The following ICE1 variants were observed in gnomAD, a reference collection of about 807,000 sequenced individuals.
ICE1 encodes the protein little elongation complex subunit 1.
Under a neutral mutation model 192.7 loss-of-function variants are expected in ICE1, and 64 were observed. The ratio of observed to expected loss-of-function variants is 0.33; its 90% CI spans 0.27 to 0.41. The LOEUF is 0.41. Among genes scored for constraint, ICE1 ranks in the 10% least tolerant of loss-of-function variants. The pLI is 1.00. For missense variants in ICE1, 2,708 were observed against 2,696.0 expected, an observed-to-expected ratio of 1.00 and a Z score of -0.10; for synonymous variants, 1,010 against 984.5, an observed-to-expected ratio of 1.03 and a Z score of -0.49.
At chr5:5,440,685 G>T (rs1738018297) in intron 4 of ICE1, among the ~76,000 whole-genome samples, 1 of 151,892 alleles carries the variant, frequency 6.6e-6, no homozygotes, top group African/African-American at 2.4e-5. Flanking sequence ...AGCCAGCTGT[G>T]GTGGCACTCA....
Position 5,461,247 on chromosome 5 carries a change from C to T in ICE1, c.1913C>T (p.Ala638Val). 6.2e-7 allele frequency: 1 copy of T among 1,613,958 alleles called. No homozygotes were observed. The highest frequency in any genetic ancestry group is 8.5e-7 in the Non-Finnish European group (1 of 1,179,864). ...TSFSSSSTLV[A>V]LSVGSNPQSS... ...TTTTCTTCCTCTTCTACCTTGGTAGCATTGTCTGTTGGCAGTAATCCCCAG... is the reference window on the plus strand; with the variant it reads ...TTTTCTTCCTCTTCTACCTTGGTAGTATTGTCTGTTGGCAGTAATCCCCAG... The change falls in exon 13 of 19, where the codon GCA (alanine) becomes GTA (valine). Residue 638 changes from alanine to valine, a missense_variant. This residue lies in a region of ICE1 where 2,366 missense variants were observed against 2,276.6 expected (regional missense o/e 1.04). Coordinates refer to ENST00000296564, the MANE Select transcript of ICE1 (RefSeq NM_015325.3).
In ICE1 at chr5:5,462,077, A is replaced by G; in HGVS notation, c.2743A>G (p.Ile915Val). 6.2e-7 allele frequency: 1 copy of G among 1,613,928 alleles called. No homozygotes were observed. Among genetic ancestry groups the G allele is most frequent in the South Asian group, 1.1e-5 (1 of 91,088 alleles). The change falls in exon 13 of 19, where the codon ATC (isoleucine) becomes GTC (valine). Residue 915 changes from isoleucine (I) to valine (V), a missense_variant. Coordinates refer to ENST00000296564, the MANE Select transcript of ICE1 (RefSeq NM_015325.3). ...GGAAAGAGATGATACAACACAAAAC[A>G]TCACGGAGGTGGCTGCTGTGAAAAG... The part of the protein sequence containing the change: ...DGERDDTTQN[I>V]TEVAAVKSIS...
chr5:5,432,118 C>T (rs1737727669), intron 1 of ICE1, among the ~76,000 whole-genome samples: 1 of 152,122 alleles, frequency 6.6e-6, no homozygotes. Flanking sequence ...GTGCAGACAT[C>T]ACCACTACAT....
chr5:5,457,511 A>G lies in ICE1; in HGVS notation c.871A>G (p.Asn291Asp). ...GGAAAAACAGAGCTCCAGTGGAACA[A>G]ATTGTAGTTCTGACCATGTTTTTAA... The part of the protein sequence containing the change: ...NVEKQSSSGT[N>D]CSSDHVFNEN... The change falls in exon 12 of 19, where the codon AAT (asparagine) becomes GAT (aspartate). Residue 291 changes from asparagine (N) to aspartate (D), a missense_variant. By Grantham distance (23) the Asn-to-Asp change is conservative. Transcript: ENST00000296564. 6.2e-7 allele frequency: 1 copy of G among 1,614,014 alleles called. No homozygotes were observed. Among genetic ancestry groups the G allele is most frequent in the Non-Finnish European group, 8.5e-7 (1 of 1,179,888 alleles).
chr5:5,452,621 C>G (rs1034941794), intron 10 of ICE1, among the ~76,000 whole-genome samples: 5 of 151,956 alleles, frequency 3.3e-5, no homozygotes, highest in Admixed American at 1.3e-4. Context: ...CAGAAATATT[C>G]AAAGTCCCAT....
At chr5:5,446,556 G>A (rs1380703431) in intron 7 of ICE1, among the ~76,000 whole-genome samples, 3 of 152,246 alleles carry the variant, frequency 2.0e-5, no homozygotes, top group Admixed American at 1.3e-4. Flanking sequence ...AAAGTGCTGG[G>A]ATCACAGTCG....
At chr5:5,476,150 G>T in intron 17 of ICE1, 71 bp downstream of exon 17, 3 of 787,750 alleles carry the variant, frequency 3.8e-6, no homozygotes, top group South Asian at 2.0e-5. Flanking sequence ...GGGGTTAACT[G>T]TATAATAAAA....
chr5:5,427,552 AG>A (rs756058015), intron 1 of ICE1, among the ~76,000 whole-genome samples: 1 of 152,140 alleles, frequency 6.6e-6, no homozygotes, highest in Non-Finnish European at 1.5e-5. Context: ...AGATTCAGTG[AG>A]TTTGATGTAT....
At chr5:5,441,897 T>A (rs573212531) in intron 5 of ICE1, among the ~76,000 whole-genome samples, 21 of 152,324 alleles carry the variant, frequency 1.4e-4, no homozygotes, top group African/African-American at 4.8e-4. Context: ...TACACAAAAA[T>A]GAGTCTTTCA....
chr5:5,465,217 A>G lies in ICE1; in HGVS notation c.5883A>G (p.Thr1961=). 1 of 1,568,594 alleles carries G rather than the reference A, an allele frequency of 6.4e-7. No individual in the cohort carries two copies. The highest frequency in any genetic ancestry group is 2.3e-5 in the East Asian group (1 of 43,148). ...AGGAAGTTGTTTATGAATTTAGCAC[A>G]ACAAAAAAGGTATGTGGCTGCTCTT... ...QEKEVVYEFS[T]TKKHLAECLL... is the part of the protein sequence containing the mutation. Residue 1961 remains threonine, a synonymous_variant, in exon 13 of 19, where the codon ACA becomes ACG. Coordinates refer to ENST00000296564, the MANE Select transcript of ICE1 (RefSeq NM_015325.3).
At chr5:5,472,965 C>G (rs1023484537) in intron 15 of ICE1, among the ~76,000 whole-genome samples, 11 of 152,124 alleles carry the variant, frequency 7.2e-5, no homozygotes, top group African/African-American at 2.7e-4. Context: ...ATATTCATAG[C>G]AGCATTAACA....
At chr5:5,486,022 A>G (rs892049866) in intron 17 of ICE1, among the ~76,000 whole-genome samples, 4 of 152,204 alleles carry the variant, frequency 2.6e-5, no homozygotes, top group Non-Finnish European at 4.4e-5. Flanking sequence ...TTTCACTCAC[A>G]AGACAAACAA....
At chr5:5,476,568 G>A (rs967225302) in intron 17 of ICE1, among the ~76,000 whole-genome samples, 1 of 152,104 alleles carries the variant, frequency 6.6e-6, no homozygotes, top group African/African-American at 2.4e-5. Context: ...TTTCAGTCAT[G>A]GTTGCAGGTA....
intron 6 of ICE1, 143 bp downstream of exon 6, chr5:5,443,387 C>T: frequency 3.8e-6 from 2 of 523,818 alleles, no homozygotes; most frequent in Non-Finnish European, 6.6e-6. Flanking sequence ...GTTAGTCTCT[C>T]AACCTTGGTT....
chr5:5,447,787 A>C (rs1258602485), intron 9 of ICE1, 27 bp downstream of exon 9: 1 of 1,574,096 alleles, frequency 6.4e-7, no homozygotes, highest in Non-Finnish European at 8.6e-7. Flanking sequence ...TGCTTACATA[A>C]ATTTATTTTT....
At chr5:5,440,210 T>C (rs1737998781) in intron 4 of ICE1, among the ~76,000 whole-genome samples, 1 of 152,254 alleles carries the variant, frequency 6.6e-6, no homozygotes, top group African/African-American at 2.4e-5. Context: ...AAATTAACTG[T>C]TGTTTACATG....
intron 17 of ICE1, among the ~76,000 whole-genome samples, chr5:5,484,779 A>G (rs1385925953): frequency 6.6e-6 from 1 of 152,196 alleles, no homozygotes; most frequent in East Asian, 1.9e-4. Context: ...TAAAATAGAG[A>G]TGAAACTCAT....
At chr5:5,483,543 T>C (rs1011491180) in intron 17 of ICE1, among the ~76,000 whole-genome samples, 20 of 152,150 alleles carry the variant, frequency 1.3e-4, no homozygotes, top group Non-Finnish European at 2.9e-4. Context: ...TGGTGGAGAA[T>C]AGAAACTGAT....
intron 10 of ICE1, among the ~76,000 whole-genome samples, chr5:5,453,354 G>A (rs141264732): frequency 1.2e-4 from 18 of 152,234 alleles, no homozygotes; most frequent in East Asian, 1.9e-4. Context: ...ACACTTACCC[G>A]TGAACTGTCC....
Sources: gnomAD v4.1 joint callset for allele counts (sites outside exome capture counted in the v4.1 genomes callset) on GRCh38, gnomAD v4.1.1 for gene constraint, gnomAD v4.1.1 regional missense constraint, MANE v1.5 for transcripts, NCBI Gene and HGNC (gene_info 2026-07-23, HGNC 2026-07-21) for gene names.